NEK10: variants seen among roughly 807,000 people sequenced by gnomAD.
NEK10 encodes NIMA related kinase 10.
A neutral mutation model predicts 159.8 loss-of-function variants in NEK10; 122 were observed. That is an observed-to-expected ratio of 0.76 (90% confidence interval 0.66 to 0.89). The LOEUF is 0.89. Ranked by LOEUF, NEK10 falls within the 40% of genes least tolerant of loss-of-function variation. The pLI, the probability that NEK10 is intolerant of heterozygous loss-of-function variation, is 0.00. For synonymous variants in NEK10, 466 were observed against 457.1 expected (o/e 1.02, Z -0.25); for missense variants, 1,342 against 1,323.1 (o/e 1.01, Z -0.22).
intron 1 of NEK10, among the ~76,000 whole-genome samples, chr3:27,355,458 G>A (rs945925343): frequency 6.6e-6 from 1 of 151,890 alleles, no homozygotes; most frequent in African/African-American, 2.4e-5. Context: ...TGCCCCTAGT[G>A]CTCCTCATCT....
chr3:27,219,813 T>C (rs1384929215), intron 23 of NEK10, among the ~76,000 whole-genome samples: 1 of 152,208 alleles, frequency 6.6e-6, no homozygotes, highest in Non-Finnish European at 1.5e-5. Context: ...CTATGATATT[T>C]TGTGTAGAAA....
chr3:27,295,737 TACAC>T lies in NEK10; in HGVS notation c.1231-51_1231-48del, dbSNP rs375002668. On this transcript the variant is annotated intron_variant, in intron 14 of 35. Transcript: ENST00000691995. The stretch of plus-strand genomic sequence containing the variant: ...ACTATGAGTGACAACACTGTAGTGA[TACAC>T]AAGCAAAAAGAGGCAAATAAACAAT... 1.5e-4 allele frequency: 223 copies of T among 1,498,486 alleles called. 2 individuals are homozygous for T. The African/African-American group carries it at 2.6e-3, about 17-fold the overall frequency. 92.8% of individuals were successfully genotyped at this position (1,498,486 alleles called of 1,614,324 possible).
intron 12 of NEK10, among the ~76,000 whole-genome samples, chr3:27,302,941 G>A (rs905546874): frequency 1.3e-5 from 2 of 152,142 alleles, no homozygotes; most frequent in African/African-American, 4.8e-5. Context: ...TGAGATGGCA[G>A]GTGAACAGGC....
intron 22 of NEK10, among the ~76,000 whole-genome samples, chr3:27,284,175 C>G (rs753182197): frequency 6.6e-6 from 1 of 152,086 alleles, no homozygotes; most frequent in South Asian, 2.1e-4. Flanking sequence ...CACACAAGGC[C>G]AGGAGTTTGA....
chr3:27,181,321 A>G (rs1260630752), intron 26 of NEK10, among the ~76,000 whole-genome samples: 1 of 152,084 alleles, frequency 6.6e-6, no homozygotes, highest in African/African-American at 2.4e-5. Flanking sequence ...TTTCTTAATA[A>G]CATTTTCTTT....
chr3:27,163,560 G>A (rs1373281928), intron 29 of NEK10, among the ~76,000 whole-genome samples: 2 of 151,836 alleles, frequency 1.3e-5, no homozygotes, highest in African/African-American at 4.8e-5. Context: ...CACCATGTTA[G>A]CCAGGATGGT....
At chr3:27,348,405 G>A (rs568855802) in intron 3 of NEK10, among the ~76,000 whole-genome samples, 1 of 152,258 alleles carries the variant, frequency 6.6e-6, no homozygotes, top group South Asian at 2.1e-4. Context: ...GAAAACGGGT[G>A]GATAAGATGG....
intron 23 of NEK10, among the ~76,000 whole-genome samples, chr3:27,230,380 T>C (rs1953112987): frequency 2.0e-5 from 3 of 152,012 alleles, no homozygotes; most frequent in Admixed American, 6.6e-5. Context: ...CTTCTAAATC[T>C]TGAAACAAAA....
intron 13 of NEK10, among the ~76,000 whole-genome samples, chr3:27,301,410 T>C (rs1390773995): frequency 1.3e-5 from 2 of 152,172 alleles, no homozygotes; most frequent in Non-Finnish European, 2.9e-5. Context: ...CATCCCCTAA[T>C]CCAGCTTTCC....
intron 23 of NEK10, among the ~76,000 whole-genome samples, chr3:27,243,832 T>G (rs575550413): frequency 3.8e-3 from 99 of 25,900 alleles, no homozygotes; most frequent in African/African-American, 0.019. Context: ...ACACCATGGG[T>G]GTGTGTGTGT....
At chr3:27,168,829 T>C (rs958839496) in intron 29 of NEK10, among the ~76,000 whole-genome samples, 1 of 152,228 alleles carries the variant, frequency 6.6e-6, no homozygotes, top group African/African-American at 2.4e-5. Flanking sequence ...CCACTTTCCA[T>C]ATCCATCTGT....
intron 1 of NEK10, among the ~76,000 whole-genome samples, chr3:27,360,869 C>A (rs757577430): frequency 2.0e-5 from 3 of 152,202 alleles, no homozygotes; most frequent in Non-Finnish European, 4.4e-5. Flanking sequence ...TGAGTCAGTA[C>A]ATTTGCCACC....
At chr3:27,297,838 T>C (rs568746513) in intron 13 of NEK10, among the ~76,000 whole-genome samples, 2 of 152,268 alleles carry the variant, frequency 1.3e-5, no homozygotes, top group South Asian at 4.2e-4. Context: ...CCTTTGGTGG[T>C]ATTTTGCACT....
intron 32 of NEK10, among the ~76,000 whole-genome samples, chr3:27,121,683 G>T (rs902536393): frequency 2.6e-5 from 4 of 152,094 alleles, no homozygotes; most frequent in Non-Finnish European, 5.9e-5. Flanking sequence ...TCTTTCTTTT[G>T]TAAATTTCCC....
At chr3:27,150,752 G>A (rs1944772320) in intron 30 of NEK10, among the ~76,000 whole-genome samples, 1 of 152,170 alleles carries the variant, frequency 6.6e-6, no homozygotes, top group Non-Finnish European at 1.5e-5. Flanking sequence ...TATTATTTCA[G>A]AAATCCGTTT....
intron 30 of NEK10, chr3:27,162,333 C>T: frequency 1.4e-6 from 2 of 1,444,094 alleles, no homozygotes; most frequent in Non-Finnish European, 1.8e-6. Context: ...GGTGAACAAA[C>T]AAGGCAGAAT....
At chr3:27,349,366 A>T (rs2047800983) in intron 3 of NEK10, among the ~76,000 whole-genome samples, 1 of 152,036 alleles carries the variant, frequency 6.6e-6, no homozygotes, top group South Asian at 2.1e-4. Flanking sequence ...ATTTTTTAAG[A>T]ACCACCTCCT....
chr3:27,217,518 A>G (rs1951655843), intron 23 of NEK10, among the ~76,000 whole-genome samples: 1 of 152,124 alleles, frequency 6.6e-6, no homozygotes, highest in Non-Finnish European at 1.5e-5. Context: ...GCACCACCAA[A>G]GTGGGACATC....
intron 32 of NEK10, 92 bp downstream of exon 32, chr3:27,131,788 G>A (rs774384572): frequency 2.6e-5 from 15 of 578,506 alleles, no homozygotes; most frequent in Non-Finnish European, 4.5e-5. Flanking sequence ...ATAGAGGATA[G>A]AGCTTAAAGT....
Sources: allele counts gnomAD v4.1 joint callset (sites outside exome capture counted in the v4.1 genomes callset), GRCh38; gene constraint gnomAD v4.1.1; transcripts MANE v1.5; gene names NCBI Gene and HGNC (gene_info 2026-07-23, HGNC 2026-07-21).